The following UPF2 variants were observed in gnomAD, a reference collection of about 807,000 sequenced individuals.
UPF2 encodes the protein regulator of nonsense transcripts 2.
Under a neutral mutation model 141.4 loss-of-function variants are expected in UPF2, and 17 were observed. The observed-to-expected ratio is 0.12, with a 90% CI of 0.08 to 0.18. The LOEUF (loss-of-function observed/expected upper bound fraction) is 0.18. Among genes scored for constraint, UPF2 ranks in the 10% least tolerant of loss-of-function variants. The pLI is 1.00. For synonymous variants in UPF2, 540 were observed against 498.0 expected (o/e 1.08, Z -1.12); for missense variants, 1,152 against 1,515.9 (o/e 0.76, Z 3.99).
chr10:12,024,680 C>T (rs1369733058), intron 3 of UPF2, among the ~76,000 whole-genome samples: 7 of 151,888 alleles, frequency 4.6e-5, no homozygotes, highest in Non-Finnish European at 1.0e-4. Context: ...CACCTATAAT[C>T]CCAACACTTT....
intron 8 of UPF2, among the ~76,000 whole-genome samples, chr10:11,991,733 T>C (rs1383046079): frequency 1.3e-5 from 2 of 152,240 alleles, no homozygotes; most frequent in African/African-American, 4.8e-5. Context: ...AGGTATGAGC[T>C]GTGGATTCTC....
At chr10:11,927,244 C>A (rs1304415882) in intron 21 of UPF2, among the ~76,000 whole-genome samples, 1 of 152,152 alleles carries the variant, frequency 6.6e-6, no homozygotes, top group Non-Finnish European at 1.5e-5. Flanking sequence ...TACTAAGACA[C>A]TATACTTGCG....
rs543850739 is a variant in UPF2, at chr10:11,948,780, T to C, written c.3035-272A>G. Among the ~76,000 whole-genome samples the C allele has an allele frequency of 2.0e-5, 3 of 152,328 alleles. No homozygotes were observed. The South Asian group carries it at 6.2e-4, about 32-fold the overall frequency. On this transcript the variant is annotated intron_variant, in intron 15 of 21. Transcript: ENST00000357604. ...TTCCCTCTTTTCTTACAGCTTTAAA[T>C]ACTTGGATAATCTTGTATATCTCAG...
At chr10:11,942,024 G>A (rs1048576756) in intron 18 of UPF2, among the ~76,000 whole-genome samples, 1 of 152,138 alleles carries the variant, frequency 6.6e-6, no homozygotes, top group African/African-American at 2.4e-5. Context: ...GACCCCAAAT[G>A]TCTATCTTCT....
intron 8 of UPF2, among the ~76,000 whole-genome samples, chr10:11,982,315 G>A (rs553659528): frequency 5.3e-5 from 8 of 152,298 alleles, no homozygotes; most frequent in African/African-American, 1.7e-4. Context: ...GCAAAGCAAC[G>A]CACTGGGAGT....
At chr10:11,977,987 A>T (rs530672593) in intron 9 of UPF2, among the ~76,000 whole-genome samples, 2 of 152,334 alleles carry the variant, frequency 1.3e-5, no homozygotes, top group South Asian at 2.1e-4. Flanking sequence ...AATAACAAGA[A>T]GTGCTTACAG....
chr10:12,030,663 C>G (rs1834503393), intron 2 of UPF2, among the ~76,000 whole-genome samples: 1 of 151,662 alleles, frequency 6.6e-6, no homozygotes, highest in Non-Finnish European at 1.5e-5. Context: ...GCAGGCAGAT[C>G]ACGAGGTCAG....
At position 12,020,250 on chromosome 10, in the gene UPF2, A is replaced by AT. The variant is rs956375858; in HGVS notation, c.1146-6067dup. 2.6e-4 allele frequency among the ~76,000 whole-genome samples: 38 copies of AT among 147,484 alleles called. 1 individual carries two copies. Among genetic ancestry groups the AT allele is most frequent in the African/African-American group, 4.5e-4 (18 of 40,080 alleles). ...TGTATTATCCTAAAAAATAAATTTT[A>AT]TTTTTTTTTTAATTTTTTTGAGACG... On this transcript the variant is annotated intron_variant, in intron 3 of 21. Transcript: ENST00000357604.
In UPF2 at chr10:12,028,941, C is replaced by A; in HGVS notation, c.949G>T (p.Asp317Tyr). ...CTTGGTACAAGTCCAGCAATATCAT[C>A]TCCACAATGTCGACAGAAACTAATC... ...VVISFCRHCG[D>Y]DIAGLVPRKV... Residue 317 changes from aspartate to tyrosine, a missense_variant, in exon 3 of 22, where the codon GAT becomes TAT. Transcript: ENST00000357604. 1 of 1,614,182 alleles carries A rather than the reference C, an allele frequency of 6.2e-7. No individual in the cohort carries two copies. Among genetic ancestry groups the A allele is most frequent in the Non-Finnish European group, 8.5e-7 (1 of 1,180,036 alleles).
chr10:11,938,868 T>TTTTTTTTTTTTTTTTTTTTTTTTTG lies in UPF2; in HGVS notation c.3379-2157_3379-2156insCAAAAAAAAAAAAAAAAAAAAAAAA, dbSNP rs1832897282. Reference sequence around the variant, plus strand: ...TTTTTTTTTTGTTTTTTTTTTTTTTTTTTTTTTTTTTTTTGGAGACGGAGT... The same window carrying TTTTTTTTTTTTTTTTTTTTTTTTTG: ...TTTTTTTTTTGTTTTTTTTTTTTTTTTTTTTTTTTTTTTTTTTTTTTTTTGTTTTTTTTTTTTTTGGAGACGGAGT... On this transcript the variant is annotated intron_variant, in intron 18 of 21. Coordinates refer to ENST00000357604, the MANE Select transcript of UPF2 (RefSeq NM_015542.4). 5.1e-4 allele frequency among the ~76,000 whole-genome samples: 46 copies of TTTTTTTTTTTTTTTTTTTTTTTTTG among 90,846 alleles called. 1 individual carries two copies. The highest frequency in any genetic ancestry group is 8.1e-4 in the Non-Finnish European group (34 of 41,876). The allele number at this position is 90,846 out of a possible 152,430, so 59.6% of individuals were successfully genotyped here. A position where few individuals can be genotyped will look rare whatever the true frequency, so the allele number is the denominator to read the frequency against.
Position 11,992,723 on chromosome 10 carries a change from TGA to T in UPF2, c.1844+4947_1844+4948del, listed in dbSNP as rs1833800132. Among the ~76,000 whole-genome samples the T allele has an allele frequency of 6.6e-6, 1 of 152,174 alleles. No individual in the cohort carries two copies. The highest frequency in any genetic ancestry group is 2.1e-4 in the South Asian group (1 of 4,836). The stretch of plus-strand genomic sequence containing the variant: ...AAGAAACATACTTTCAGAATATGTC[TGA>T]GAGTAAAATTCAATTCAATTGTACA... On this transcript the variant is annotated intron_variant, in intron 8 of 21. Coordinates refer to ENST00000357604, the MANE Select transcript of UPF2 (RefSeq NM_015542.4). This position sits in a 1 kb window ranked among gnomAD's most constrained non-coding sequence, Gnocchi z 4.1.
At position 11,955,479 on chromosome 10, in the gene UPF2, C is replaced by A. The variant is rs1157684971; in HGVS notation, c.2603G>T (p.Arg868Leu). ...TCCTAAGAACTTGGCACTGCTGATG[C>A]GCCTCTGATTAAATTTAGGTTGATT... ...EVNQPKFNQR[R>L]ISSAKFLGEL... Residue 868 changes from arginine to leucine, a missense_variant, in exon 14 of 22, where the codon CGC becomes CTC. Physicochemically the swap from Arg to Leu is moderately radical, Grantham distance 102 (BLOSUM62 -2). Coordinates refer to ENST00000357604, the MANE Select transcript of UPF2 (RefSeq NM_015542.4). The A allele has an allele frequency of 1.2e-6, 2 of 1,612,764 alleles. No individual in the cohort carries two copies. Among genetic ancestry groups the A allele is most frequent in the African/African-American group, 1.3e-5 (1 of 74,922 alleles).
chr10:12,015,026 A>C (rs911167387), intron 3 of UPF2, among the ~76,000 whole-genome samples: 2 of 152,242 alleles, frequency 1.3e-5, no homozygotes, highest in African/African-American at 4.8e-5. Flanking sequence ...GTATAGAGTA[A>C]AAGTCTTATT....
intron 4 of UPF2, among the ~76,000 whole-genome samples, chr10:12,007,849 A>G (rs1834060500): frequency 2.3e-5 from 3 of 132,506 alleles, no homozygotes; most frequent in African/African-American, 7.6e-5. Flanking sequence ...AATAATAATA[A>G]TAATAATAAT....
intron 4 of UPF2, among the ~76,000 whole-genome samples, chr10:12,007,546 G>A (rs755187083): frequency 4.6e-5 from 7 of 152,156 alleles, no homozygotes; most frequent in Middle Eastern, 6.8e-3. Context: ...TATAATTTCC[G>A]TCGGCCGGGC....
chr10:12,028,882 C>A lies in UPF2; in HGVS notation c.1008G>T (p.Leu336Phe). The change falls in exon 3 of 22, where the codon TTG becomes TTT. Residue 336 changes from leucine to phenylalanine, a missense_variant. Physicochemically the swap from Leu to Phe is conservative, Grantham distance 22. Around this residue, in one of 4 missense-constraint regions of UPF2, gnomAD observed 739 missense variants for 1,032.2 expected, o/e 0.72. Transcript: ENST00000357604. ...KVKSAAEKFN[L>F]SFPPSEIISP... is the part of the protein sequence containing the mutation. ...TAATTATCTCACTAGGAGGAAAACT[C>A]AAATTAAACTTCTCTGCAGCACTCT... 2 of 1,614,110 alleles carry A rather than the reference C, an allele frequency of 1.2e-6. No individual in the cohort carries two copies. The highest frequency in any genetic ancestry group is 1.7e-6 in the Non-Finnish European group (2 of 1,180,020).
At position 11,939,112 on chromosome 10, in the gene UPF2, C is replaced by T. The variant is rs1024535593; in HGVS notation, c.3379-2400G>A. Among the ~76,000 whole-genome samples, 3 of 151,906 alleles carry T rather than the reference C, an allele frequency of 2.0e-5. No homozygotes were observed. The highest frequency in any genetic ancestry group is 6.5e-5 in the Admixed American group (1 of 15,268). On this transcript the variant is annotated intron_variant, in intron 18 of 21. Transcript: ENST00000357604. This position sits in a 1 kb window ranked among gnomAD's most constrained non-coding sequence, Gnocchi z 4.8. The stretch of plus-strand genomic sequence containing the variant: ...GTCTCGATCTCCTGACCTCGTGATC[C>T]TCCCACCTCGGCCTCCCAAAGTGAT...
At chr10:11,933,805 G>C (rs1048074039) in intron 19 of UPF2, among the ~76,000 whole-genome samples, 1 of 152,182 alleles carries the variant, frequency 6.6e-6, no homozygotes, top group Admixed American at 6.6e-5. Flanking sequence ...CTTCATGAAA[G>C]GGAGGAAGGA....
intron 10 of UPF2, among the ~76,000 whole-genome samples, chr10:11,966,389 A>C (rs1290238787): frequency 6.6e-6 from 1 of 152,146 alleles, no homozygotes; most frequent in Admixed American, 6.6e-5. Context: ...TTTCCTGTTA[A>C]AATAACCTCT....
Sources: allele counts gnomAD v4.1 joint callset (sites outside exome capture counted in the v4.1 genomes callset), GRCh38; gene constraint gnomAD v4.1.1; regional missense constraint gnomAD v4.1.1; non-coding constraint Gnocchi (gnomAD v3.1); transcripts MANE v1.5; gene names NCBI Gene and HGNC (gene_info 2026-07-23, HGNC 2026-07-21).